The following PRMT7 variants were observed in gnomAD, a reference collection of about 807,000 sequenced individuals.
The protein encoded by PRMT7 is protein arginine methyltransferase 7, also known as protein arginine N-methyltransferase 7.
Under a neutral mutation model 85.4 loss-of-function variants are expected in PRMT7, and 75 were observed. That is an observed-to-expected ratio of 0.88 (90% CI 0.73 to 1.06). PRMT7 has a LOEUF of 1.06. Ranked by LOEUF, PRMT7 falls within the 50% of genes least tolerant of loss-of-function variation. The pLI, the probability that PRMT7 is intolerant of heterozygous loss-of-function variation, is 0.00. For synonymous variants in PRMT7, 397 were observed against 359.5 expected, an observed-to-expected ratio of 1.10 and a Z score of -1.18; for missense variants, 868 against 915.2, an observed-to-expected ratio of 0.95 and a Z score of 0.67.
chr16:68,358,099 C>T lies in PRMT7; in HGVS notation c.*875C>T, dbSNP rs565736575. On this transcript the variant is annotated 3_prime_UTR_variant, in exon 19 of 19. Coordinates refer to ENST00000441236, the MANE Select transcript of PRMT7 (RefSeq NM_019023.5). Reference sequence around the variant, plus strand: ...CCCAGCTCTCAGAGGTAACAGCAGACACCACGTGAGAGAACCCAGTGGCCT... The same window carrying T: ...CCCAGCTCTCAGAGGTAACAGCAGATACCACGTGAGAGAACCCAGTGGCCT... The T allele has an allele frequency of 6.6e-6, 1 of 152,434 alleles. No homozygotes were observed. Among genetic ancestry groups the T allele is most frequent in the East Asian group, 1.9e-4 (1 of 5,192 alleles). The allele number at this position is 152,434 out of a possible 1,614,324, so 9.4% of individuals were successfully genotyped here.
intron 6 of PRMT7, among the ~76,000 whole-genome samples, chr16:68,331,094 C>T (rs966865231): frequency 6.6e-6 from 1 of 152,138 alleles, no homozygotes; most frequent in African/African-American, 2.4e-5. Context: ...TTCCTCATAA[C>T]CCTTTCTATC....
chr16:68,326,331 C>T (rs1238303930), intron 5 of PRMT7, among the ~76,000 whole-genome samples: 1 of 152,126 alleles, frequency 6.6e-6, no homozygotes, highest in Non-Finnish European at 1.5e-5. Context: ...CCGCAACCTC[C>T]GCCTCCTGGG....
rs1398770638 is a variant in PRMT7, at chr16:68,358,369, C to T, written c.*1145C>T. 1 of 152,744 alleles carries T rather than the reference C, an allele frequency of 6.5e-6. No homozygotes were observed. The allele number at this position is 152,744 out of a possible 1,614,324, so 9.5% of individuals were successfully genotyped here. A position where few individuals can be genotyped will look rare whatever the true frequency, so the allele number is the denominator to read the frequency against. On this transcript the variant is annotated 3_prime_UTR_variant, in exon 19 of 19. Coordinates refer to ENST00000441236, the MANE Select transcript of PRMT7 (RefSeq NM_019023.5). ...ATTTTCTCCTCGTTATCCATCCTTCCTTTCAGCACCAGTAAGGAAAAAGAA... is the reference window on the plus strand; with the variant it reads ...ATTTTCTCCTCGTTATCCATCCTTCTTTTCAGCACCAGTAAGGAAAAAGAA...
At chr16:68,349,183 G>A (rs1275448705) in intron 14 of PRMT7, among the ~76,000 whole-genome samples, 2 of 152,070 alleles carry the variant, frequency 1.3e-5, no homozygotes, top group African/African-American at 4.8e-5. Context: ...CTTGTGACCC[G>A]GGACTTCTGC....
At chr16:68,347,966 C>T (rs1311106205) in intron 13 of PRMT7, among the ~76,000 whole-genome samples, 1 of 152,188 alleles carries the variant, frequency 6.6e-6, no homozygotes, top group Non-Finnish European at 1.5e-5. Flanking sequence ...GGATGTGTTT[C>T]TGGGACATCA....
intron 4 of PRMT7, chr16:68,324,426 C>T (rs2082864010): frequency 3.9e-6 from 2 of 506,634 alleles, no homozygotes; most frequent in Non-Finnish European, 7.1e-6. Context: ...AAAAGGAGAA[C>T]ATGGTTTGCA....
chr16:68,311,445 T>C (rs2043662910), intron 1 of PRMT7: 1 of 219,962 alleles, frequency 4.5e-6, no homozygotes. Flanking sequence ...CCACTCACTG[T>C]TCTGAGTAAT....
chr16:68,311,100 G>T lies in PRMT7; in HGVS notation c.-219+1G>T, dbSNP rs1173374026. 1.4e-6 allele frequency: 1 copy of T among 710,784 alleles called. No homozygotes were observed. The highest frequency in any genetic ancestry group is 2.5e-6 in the Non-Finnish European group (1 of 396,766). The allele number at this position is 710,784 out of a possible 1,614,324, so 44.0% of individuals were successfully genotyped here. ...GCGAGCGGAGGGTTTCCCGCGGCGG[G>T]TGAGGCGCTGGGTATGCTGGGAAGG... On this transcript the variant is annotated splice_donor_variant, in intron 1 of 18. Coordinates refer to ENST00000441236, the MANE Select transcript of PRMT7 (RefSeq NM_019023.5). LOFTEE classifies it low-confidence loss of function (5UTR_SPLICE).
Position 68,339,485 on chromosome 16 carries a change from CCT to C in PRMT7, c.671_672del (p.Ser224CysfsTer3). The C allele has an allele frequency of 6.2e-7, 1 of 1,614,154 alleles. No individual in the cohort carries two copies. Among genetic ancestry groups the C allele is most frequent in the South Asian group, 1.1e-5 (1 of 91,084 alleles). On this transcript the variant is annotated frameshift_variant, in exon 8 of 19. Coordinates refer to ENST00000441236, the MANE Select transcript of PRMT7 (RefSeq NM_019023.5). LOFTEE classifies it high-confidence loss of function. ...GACGTGGAGAGCTGCCCTGGCGCAC[CCT>C]CTGTCTGTGACATTCAGCTGAACCA...
At chr16:68,355,515 G>A (rs896627426) in intron 16 of PRMT7, 2 of 451,734 alleles carry the variant, frequency 4.4e-6, no homozygotes, top group African/African-American at 4.0e-5. Flanking sequence ...TCCGGAGAGC[G>A]AGGCTCAGAG....
At chr16:68,353,277 G>A (rs2087688558) in intron 15 of PRMT7, 7 of 1,018,694 alleles carry the variant, frequency 6.9e-6, no homozygotes, top group Non-Finnish European at 8.1e-6. Context: ...TCCCTTATAG[G>A]AGAGGACTCA....
intron 7 of PRMT7, 31 bp downstream of exon 7, chr16:68,337,602 C>T (rs908841933): frequency 2.0e-6 from 3 of 1,494,680 alleles, no homozygotes; most frequent in Non-Finnish European, 2.8e-6. Context: ...TCAGACGTGT[C>T]TGTGGTCTCA....
At position 68,319,623 on chromosome 16, in the gene PRMT7, G is replaced by C. The variant is rs952987628; in HGVS notation, c.96-1803G>C. Among the ~76,000 whole-genome samples the C allele has an allele frequency of 9.9e-5, 15 of 150,950 alleles. 1 individual carries two copies. The highest frequency in any genetic ancestry group is 1.6e-4 in the Non-Finnish European group (11 of 67,854). On this transcript the variant is annotated intron_variant, in intron 3 of 18. Transcript: ENST00000441236. ...AAAAAAAAAGAACCCCCTTCTTTCA[G>C]TGCACCGCTCTTCAAAGTGTGGAAT...
Position 68,337,529 on chromosome 16 carries a change from G to T in PRMT7, c.462G>T (p.Gly154=). The part of the protein sequence containing the change: ...ELFDTELIGE[G]ALPSYEHAHR... ...TTGACACAGAGCTGATCGGGGAGGG[G>T]GCGCTGCCCTCCTATGAGCACGCAC... Residue 154 remains glycine, a synonymous_variant, in exon 7 of 19, where the codon GGG becomes GGT. Coordinates refer to ENST00000441236, the MANE Select transcript of PRMT7 (RefSeq NM_019023.5). 2.5e-6 allele frequency: 4 copies of T among 1,611,472 alleles called. No individual in the cohort carries two copies. The highest frequency in any genetic ancestry group is 3.4e-6 in the Non-Finnish European group (4 of 1,178,116).
At chr16:68,314,170 A>T (rs1348178680) in intron 2 of PRMT7, among the ~76,000 whole-genome samples, 2 of 152,206 alleles carry the variant, frequency 1.3e-5, no homozygotes, top group Admixed American at 6.5e-5. Context: ...CAAATTGTCT[A>T]CTTTGAACCT....
intron 6 of PRMT7, among the ~76,000 whole-genome samples, chr16:68,333,842 G>A (rs1004295439): frequency 4.6e-5 from 7 of 152,126 alleles, no homozygotes; most frequent in South Asian, 2.1e-4. Context: ...GCATGACCTC[G>A]GCTCACTGCA....
chr16:68,323,436 T>A (rs1181207366), intron 4 of PRMT7, among the ~76,000 whole-genome samples: 1 of 152,090 alleles, frequency 6.6e-6, no homozygotes, highest in Non-Finnish European at 1.5e-5. Flanking sequence ...GCCAGGTTGG[T>A]CTCCAACTCC....
intron 3 of PRMT7, among the ~76,000 whole-genome samples, chr16:68,319,482 G>A (rs1343275143): frequency 2.0e-5 from 3 of 151,722 alleles, no homozygotes; most frequent in Non-Finnish European, 4.4e-5. Context: ...GAAGAGGCCA[G>A]GAAGGTGGTG....
intron 5 of PRMT7, among the ~76,000 whole-genome samples, chr16:68,327,217 A>C (rs2083233855): frequency 6.6e-6 from 1 of 152,184 alleles, no homozygotes; most frequent in South Asian, 2.1e-4. Context: ...AATACAGAAA[A>C]GGATTTAGAA....
Sources: allele counts gnomAD v4.1 joint callset (sites outside exome capture counted in the v4.1 genomes callset), GRCh38; gene constraint gnomAD v4.1.1; transcripts MANE v1.5; gene names NCBI Gene and HGNC (gene_info 2026-07-23, HGNC 2026-07-21).